EYS: variants seen among roughly 807,000 people sequenced by gnomAD.
EYS encodes protein eyes shut homolog.
Under a neutral mutation model 282.1 loss-of-function variants are expected in EYS, and 250 were observed. The ratio of observed to expected loss-of-function variants is 0.89; its 90% CI spans 0.80 to 0.98. The LOEUF is 0.98. Ranked by LOEUF, EYS falls within the 50% of genes least tolerant of loss-of-function variation. The probability of loss-of-function intolerance (pLI) is 0.00; values close to 1 mark genes in which losing one functional copy is unlikely to be tolerated. For missense variants in EYS, 4,016 were observed against 3,709.0 expected, an observed-to-expected ratio of 1.08 and a Z score of -2.15; for synonymous variants, 1,355 against 1,282.9, an observed-to-expected ratio of 1.06 and a Z score of -1.20.
At position 65,491,676 on chromosome 6, in the gene EYS, A is replaced by C. The variant is rs1766049814; in HGVS notation, c.749-969T>G. On this transcript the variant is annotated intron_variant, in intron 4 of 42. Coordinates refer to ENST00000503581, the MANE Select transcript of EYS (RefSeq NM_001142800.2). Reference sequence around the variant, plus strand: ...TTCTCCAAACATAAAAATTAAATTAACAGTATAATGCCAATAGGCCACACC... The same window carrying C: ...TTCTCCAAACATAAAAATTAAATTACCAGTATAATGCCAATAGGCCACACC... The C allele has an allele frequency of 1.0e-5, 4 of 383,848 alleles. 1 individual carries two copies. Among genetic ancestry groups the C allele is most frequent in the South Asian group, 8.2e-5 (4 of 48,752 alleles). The allele number at this position is 383,848 out of a possible 1,614,324, so 23.8% of individuals were successfully genotyped here. A position where few individuals can be genotyped will look rare whatever the true frequency, so the allele number is the denominator to read the frequency against.
intron 35 of EYS, among the ~76,000 whole-genome samples, chr6:63,876,875 A>T (rs185386774): frequency 9.5e-4 from 145 of 151,978 alleles, no homozygotes; most frequent in African/African-American, 3.3e-3. Context: ...TGCATGTGAG[A>T]TGGGTCTCCT....
chr6:65,123,758 C>CCACACACA lies in EYS; in HGVS notation c.2024-66039_2024-66032dup, dbSNP rs34701707. On this transcript the variant is annotated intron_variant, in intron 12 of 42. Transcript: ENST00000503581. Reference sequence around the variant, plus strand: ...CAGCTGACTTATAACACCCACCCACCCACACACACACACACACACACACAC... The same window carrying CCACACACA: ...CAGCTGACTTATAACACCCACCCACCCACACACACACACACACACACACACACACACAC... 3.1e-3 allele frequency among the ~76,000 whole-genome samples: 460 copies of CCACACACA among 147,084 alleles called. 3 individuals are homozygous for CCACACACA. Among genetic ancestry groups the CCACACACA allele is most frequent in the South Asian group, 0.01 (47 of 4,576 alleles).
intron 5 of EYS, among the ~76,000 whole-genome samples, chr6:65,439,457 G>A (rs552329069): frequency 5.9e-5 from 9 of 152,150 alleles, no homozygotes; most frequent in African/African-American, 2.2e-4. Context: ...CATTTTTCAT[G>A]ATATTGATTC....
At chr6:64,571,600 C>T (rs564017473) in intron 26 of EYS, among the ~76,000 whole-genome samples, 1 of 152,096 alleles carries the variant, frequency 6.6e-6, no homozygotes, top group Non-Finnish European at 1.5e-5. Context: ...GGGGATATCA[C>T]CACTGATCCC....
At chr6:64,151,551 G>A (rs1774738145) in intron 31 of EYS, among the ~76,000 whole-genome samples, 1 of 150,802 alleles carries the variant, frequency 6.6e-6, no homozygotes, top group African/African-American at 2.4e-5. Context: ...TAGTAGAGAC[G>A]GGGTTTCACC....
At chr6:65,037,892 T>C (rs1772818072) in intron 13 of EYS, among the ~76,000 whole-genome samples, 1 of 151,724 alleles carries the variant, frequency 6.6e-6, no homozygotes. Flanking sequence ...TTAAAAAACA[T>C]GAGTTTATAC....
At chr6:65,208,831 C>T (rs901778600) in intron 12 of EYS, among the ~76,000 whole-genome samples, 3 of 151,716 alleles carry the variant, frequency 2.0e-5, no homozygotes, top group African/African-American at 7.2e-5. Flanking sequence ...AAAAAATTAC[C>T]TACTGGGTAA....
chr6:64,977,667 G>GA (rs35684989), intron 14 of EYS, among the ~76,000 whole-genome samples: 14,256 of 121,838 alleles, frequency 0.12, 1,043 homozygotes, highest in African/African-American at 0.26. Context: ...AGCTGTGAAT[G>GA]AAAAAAAAAA....
At chr6:64,381,987 T>G (rs563722439) in intron 29 of EYS, among the ~76,000 whole-genome samples, 2 of 152,182 alleles carry the variant, frequency 1.3e-5, no homozygotes, top group African/African-American at 4.8e-5. Context: ...TATCAAAGAA[T>G]CCAGTGGATG....
At position 65,036,704 on chromosome 6, in the gene EYS, TA is replaced by T. The variant is rs551482537; in HGVS notation, c.2137+20909del. On this transcript the variant is annotated intron_variant, in intron 13 of 42. Transcript: ENST00000503581. ...GGTGACATACACATGACTAAATCTA[TA>T]AAAAAAAGTTCATCACTATTCATTA... 3.1e-4 allele frequency among the ~76,000 whole-genome samples: 47 copies of T among 150,980 alleles called. 1 individual carries two copies. The South Asian group carries it at 6.9e-3, about 22-fold the overall frequency.
chr6:64,143,398 G>A (rs1582333851), intron 31 of EYS, among the ~76,000 whole-genome samples: 2 of 147,582 alleles, frequency 1.4e-5, no homozygotes, highest in East Asian at 2.0e-4. Flanking sequence ...ACTGTAGTAT[G>A]AGGTATTCTT....
intron 28 of EYS, among the ~76,000 whole-genome samples, chr6:64,423,397 G>A (rs1179138029): frequency 6.6e-6 from 1 of 152,128 alleles, no homozygotes; most frequent in Non-Finnish European, 1.5e-5. Context: ...TTAACTATAA[G>A]TTTAGTATAT....
rs565087108 is a variant in EYS at position 65,169,447 on chromosome 6, G to A, written c.2024-111720C>T. On this transcript the variant is annotated intron_variant, in intron 12 of 42. Coordinates refer to ENST00000503581, the MANE Select transcript of EYS (RefSeq NM_001142800.2). Reference sequence around the variant, plus strand: ...ATAAAAATACAAATATATGTATTACGTTCTATTTTTAAATGTTTACATTTT... The same window carrying A: ...ATAAAAATACAAATATATGTATTACATTCTATTTTTAAATGTTTACATTTT... 3.1e-4 allele frequency among the ~76,000 whole-genome samples: 47 copies of A among 151,402 alleles called. 1 individual carries two copies. The highest frequency in any genetic ancestry group is 1.7e-3 in the Admixed American group (26 of 15,142).
At chr6:65,231,328 C>T (rs1045424169) in intron 12 of EYS, among the ~76,000 whole-genome samples, 5 of 150,972 alleles carry the variant, frequency 3.3e-5, no homozygotes, top group African/African-American at 4.9e-5. Context: ...AAAAATCACA[C>T]AATTGTGTAT....
At chr6:64,670,210 A>G (rs1199370576) in intron 22 of EYS, among the ~76,000 whole-genome samples, 1 of 152,080 alleles carries the variant, frequency 6.6e-6, no homozygotes, top group African/African-American at 2.4e-5. Context: ...GGTAAAGCCA[A>G]TTAACAAACA....
intron 14 of EYS, among the ~76,000 whole-genome samples, chr6:64,983,068 C>T (rs1770733493): frequency 6.6e-6 from 1 of 151,062 alleles, no homozygotes; most frequent in South Asian, 2.1e-4. Context: ...TTATGAATTT[C>T]ATGTCGGTTT....
chr6:64,331,802 C>T (rs889887725), intron 29 of EYS, among the ~76,000 whole-genome samples: 7 of 152,186 alleles, frequency 4.6e-5, no homozygotes, highest in Non-Finnish European at 7.3e-5. Flanking sequence ...GGAGCTACAC[C>T]GTGTGAAAAC....
At chr6:64,424,656 C>A (rs566167769) in intron 28 of EYS, among the ~76,000 whole-genome samples, 1 of 152,172 alleles carries the variant, frequency 6.6e-6, no homozygotes, top group Non-Finnish European at 1.5e-5. Flanking sequence ...ACCGTTGAAT[C>A]TCAAATCAAG....
chr6:64,490,244 G>T (rs1230207936), intron 26 of EYS, among the ~76,000 whole-genome samples: 2 of 150,750 alleles, frequency 1.3e-5, no homozygotes, highest in Non-Finnish European at 3.0e-5. Context: ...AACTGAAAAT[G>T]AATGGTCAAC....
Sources: allele counts gnomAD v4.1 joint callset (sites outside exome capture counted in the v4.1 genomes callset), GRCh38; gene constraint gnomAD v4.1.1; transcripts MANE v1.5; gene names NCBI Gene and HGNC (gene_info 2026-07-23, HGNC 2026-07-21).